The following LMCD1 variants were observed in gnomAD, a reference collection of about 807,000 sequenced individuals.
LMCD1 encodes LIM and cysteine-rich domains protein 1.
LMCD1 carries 32 observed loss-of-function variants against 42.7 expected under a neutral mutation model. The ratio of observed to expected loss-of-function variants is 0.75; its 90% CI spans 0.57 to 1.01. The LOEUF is 1.01. Among genes scored for constraint, LMCD1 ranks in the 50% least tolerant of loss-of-function variants. LMCD1 has a pLI of 0.00. For synonymous variants in LMCD1, 178 were observed against 184.9 expected (o/e 0.96, Z 0.30); for missense variants, 458 against 483.1 (o/e 0.95, Z 0.49).
intron 1 of LMCD1, among the ~76,000 whole-genome samples, chr3:8,518,445 C>G (rs1466547671): frequency 6.6e-6 from 1 of 152,224 alleles, no homozygotes; most frequent in Non-Finnish European, 1.5e-5. Flanking sequence ...CTCCTGCCTT[C>G]TGAGTATACC....
chr3:8,513,412 C>T (rs79630502), intron 1 of LMCD1, among the ~76,000 whole-genome samples: 255 of 152,270 alleles, frequency 1.7e-3, no homozygotes, highest in Middle Eastern at 3.4e-3. Context: ...CCTGTCCTCA[C>T]TCAGGTGGGG....
At chr3:8,522,285 A>G (rs1252025458) in intron 1 of LMCD1, among the ~76,000 whole-genome samples, 1 of 152,178 alleles carries the variant, frequency 6.6e-6, no homozygotes, top group African/African-American at 2.4e-5. Context: ...TACACAAGTG[A>G]TTACAAGCTC....
chr3:8,554,364 C>T (rs144639111), intron 4 of LMCD1, among the ~76,000 whole-genome samples: 1,840 of 151,164 alleles, frequency 0.012, 9 homozygotes, highest in Middle Eastern at 0.017. Context: ...GGTGGGGCCT[C>T]GGCAGGGTGG....
At chr3:8,565,682 G>C (rs1423634799) in intron 5 of LMCD1, 35 bp downstream of exon 5, 1 of 1,537,742 alleles carries the variant, frequency 6.5e-7, no homozygotes, top group Non-Finnish European at 8.8e-7. Flanking sequence ...TAGGGGGCTT[G>C]AGGGACACTG....
At chr3:8,565,883 A>G (rs905860318) in intron 5 of LMCD1, among the ~76,000 whole-genome samples, 2 of 152,248 alleles carry the variant, frequency 1.3e-5, no homozygotes, top group Non-Finnish European at 2.9e-5. Flanking sequence ...TCCTTGGCAT[A>G]ATGCCTAGCA....
intron 4 of LMCD1, among the ~76,000 whole-genome samples, chr3:8,560,119 G>A (rs940158349): frequency 2.0e-5 from 3 of 152,216 alleles, no homozygotes; most frequent in Non-Finnish European, 2.9e-5. Context: ...CCAGTAACGG[G>A]TTAGGTGCAG....
intron 3 of LMCD1, among the ~76,000 whole-genome samples, chr3:8,540,826 A>G (rs181805643): frequency 6.6e-6 from 1 of 152,284 alleles, no homozygotes; most frequent in Non-Finnish European, 1.5e-5. Context: ...CATTTTACAG[A>G]GGAGCAGACA....
chr3:8,522,171 C>A (rs1445939697), intron 1 of LMCD1, among the ~76,000 whole-genome samples: 1 of 152,188 alleles, frequency 6.6e-6, no homozygotes, highest in Admixed American at 6.5e-5. Context: ...TATGGATTTA[C>A]TTTTCTACTC....
chr3:8,507,246 C>T (rs1263797427), intron 1 of LMCD1, among the ~76,000 whole-genome samples: 1 of 152,208 alleles, frequency 6.6e-6, no homozygotes, highest in Non-Finnish European at 1.5e-5. Flanking sequence ...CTAGAAAATG[C>T]TCTCTATAAA....
chr3:8,528,045 A>G lies in LMCD1; in HGVS notation c.43-4692A>G, dbSNP rs1238831207. 2.0e-5 allele frequency among the ~76,000 whole-genome samples: 3 copies of G among 152,220 alleles called. No individual in the cohort carries two copies. The East Asian group carries it at 5.8e-4, about 29-fold the overall frequency. On this transcript the variant is annotated intron_variant, in intron 1 of 5. Transcript: ENST00000157600. ...AATTGTTTGTGTCTCTATTGGACCA[A>G]GATCTGCAAGTTAACGTGTTACTTC...
intron 2 of LMCD1, among the ~76,000 whole-genome samples, chr3:8,536,048 C>A (rs999634096): frequency 2.0e-5 from 3 of 152,208 alleles, no homozygotes; most frequent in Non-Finnish European, 2.9e-5. Context: ...GGCTTGCCCC[C>A]ACTAGCCCCA....
chr3:8,545,248 C>G (rs578000013), intron 3 of LMCD1, among the ~76,000 whole-genome samples: 2 of 151,294 alleles, frequency 1.3e-5, no homozygotes, highest in African/African-American at 4.9e-5. Context: ...GGAATGTTGC[C>G]CAGGAGGTAA....
At chr3:8,559,039 A>T (rs1694978213) in intron 4 of LMCD1, among the ~76,000 whole-genome samples, 1 of 151,966 alleles carries the variant, frequency 6.6e-6, no homozygotes, top group African/African-American at 2.4e-5. Context: ...CAGGGGCAGG[A>T]TCAGATATGG....
chr3:8,550,788 A>G (rs1694826660), intron 4 of LMCD1: 1 of 985,240 alleles, frequency 1.0e-6, no homozygotes, highest in Non-Finnish European at 1.2e-6. Flanking sequence ...TTGTTCATAA[A>G]CCCTAAATAC....
At position 8,548,558 on chromosome 3, in the gene LMCD1, T is replaced by C. The variant is rs182315181; in HGVS notation, c.388-10T>C. The C allele has an allele frequency of 3.2e-6, 5 of 1,576,620 alleles. No homozygotes were observed. Among genetic ancestry groups the C allele is most frequent in the Non-Finnish European group, 4.3e-6 (5 of 1,155,886 alleles). On this transcript the variant is annotated splice_polypyrimidine_tract_variant and intron_variant, in intron 3 of 5. Transcript: ENST00000157600. ...ACATCATGTTGTCTCTTCCTCCTCCTCCTCCCTAGGGACTGCAGTACATGG... is the reference window on the plus strand; with the variant it reads ...ACATCATGTTGTCTCTTCCTCCTCCCCCTCCCTAGGGACTGCAGTACATGG...
chr3:8,561,855 T>A (rs1171456902), intron 4 of LMCD1, among the ~76,000 whole-genome samples: 2 of 135,522 alleles, frequency 1.5e-5, no homozygotes, highest in African/African-American at 6.2e-5. Context: ...ATGACAGCCA[T>A]TGTCGTTTCC....
chr3:8,513,727 A>G (rs1320070147), intron 1 of LMCD1, among the ~76,000 whole-genome samples: 2 of 152,210 alleles, frequency 1.3e-5, no homozygotes, highest in East Asian at 1.9e-4. Context: ...GTCATCGCTT[A>G]TTACTATATG....
At position 8,550,677 on chromosome 3, in the gene LMCD1, G is replaced by A. The variant is rs550092819; in HGVS notation, c.723+1774G>A. The stretch of plus-strand genomic sequence containing the variant: ...CAGGAAGAATACATGTCCTAAGGAT[G>A]TAAAAAAGAAAAAAATATTAGATCT... On this transcript the variant is annotated intron_variant, in intron 4 of 5. Transcript: ENST00000157600. 4.1e-6 allele frequency: 4 copies of A among 985,092 alleles called. No individual in the cohort carries two copies. The African/African-American group carries it at 7.0e-5, about 17-fold the overall frequency. The allele number at this position is 985,092 out of a possible 1,614,324, so 61.0% of individuals were successfully genotyped here.
intron 3 of LMCD1, among the ~76,000 whole-genome samples, chr3:8,538,285 C>T (rs879625966): frequency 3.3e-5 from 5 of 152,288 alleles, no homozygotes; most frequent in Admixed American, 6.5e-5. Context: ...CCTGAGATAC[C>T]GCACGCCTGA....
Sources: gnomAD v4.1 joint callset for allele counts (sites outside exome capture counted in the v4.1 genomes callset) on GRCh38, gnomAD v4.1.1 for gene constraint, MANE v1.5 for transcripts, NCBI Gene and HGNC (gene_info 2026-07-23, HGNC 2026-07-21) for gene names.